Variants in HDAC4 observed in about 807,000 individuals in gnomAD.
HDAC4 encodes histone deacetylase A.
Under a neutral mutation model 135.1 loss-of-function variants are expected in HDAC4, and 16 were observed. That is an observed-to-expected ratio of 0.12 (90% confidence interval 0.08 to 0.18). HDAC4 has a LOEUF of 0.18. Among genes scored for constraint, HDAC4 ranks in the 10% least tolerant of loss-of-function variants. The pLI, the probability that HDAC4 is intolerant of heterozygous loss-of-function variation, is 1.00. For synonymous variants in HDAC4, 685 were observed against 653.4 expected, an observed-to-expected ratio of 1.05 and a Z score of -0.74; for missense variants, 1,143 against 1,511.8, an observed-to-expected ratio of 0.76 and a Z score of 4.05.
intron 1 of HDAC4, among the ~76,000 whole-genome samples, chr2:239,359,972 C>T (rs1275835553): frequency 6.6e-6 from 1 of 152,062 alleles, no homozygotes; most frequent in Admixed American, 6.5e-5. Flanking sequence ...CATGCTAGAC[C>T]CAAGGTACAC....
chr2:239,081,700 G>A (rs1198441695), intron 21 of HDAC4, among the ~76,000 whole-genome samples: 2 of 152,224 alleles, frequency 1.3e-5, no homozygotes, highest in Non-Finnish European at 2.9e-5. Context: ...AGGAGCCGCT[G>A]GGCCTGCCGT....
Position 239,048,568 on chromosome 2 carries a change from G to GATAGATAGA in HDAC4, c.*4520_*4528dup, listed in dbSNP as rs1553594338. 1 of 149,870 alleles carries GATAGATAGA rather than the reference G, an allele frequency of 6.7e-6. No homozygotes were observed. The highest frequency in any genetic ancestry group is 1.5e-5 in the Non-Finnish European group (1 of 67,932). The allele number at this position is 149,870 out of a possible 1,614,324, so 9.3% of individuals were successfully genotyped here. On this transcript the variant is annotated 3_prime_UTR_variant, in exon 27 of 27. Transcript: ENST00000543185. Reference sequence around the variant, plus strand: ...AAGGTTCAAGCCCCCTGTATAGATAGATAGATAGATAGATAGATAGATAGA... The same window carrying GATAGATAGA: ...AAGGTTCAAGCCCCCTGTATAGATAGATAGATAGAATAGATAGATAGATAGATAGATAGA...
chr2:239,190,181 G>T (rs113042372), intron 3 of HDAC4, 104 bp from the exon 4 acceptor site: 7 of 1,431,314 alleles, frequency 4.9e-6, no homozygotes, highest in South Asian at 1.4e-5. Context: ...GGGCGGGGGG[G>T]GGGTTGTGAC....
chr2:239,380,612 TG>T (rs1342634376), intron 1 of HDAC4, among the ~76,000 whole-genome samples: 3 of 152,186 alleles, frequency 2.0e-5, no homozygotes, highest in African/African-American at 7.2e-5. Flanking sequence ...TTCTAGAAAT[TG>T]GGTGCACAAC....
At position 239,309,032 on chromosome 2, in the gene HDAC4, A is replaced by C. The variant is rs953591615; in HGVS notation, c.22+43646T>G. 6.6e-6 allele frequency: 1 copy of C among 152,156 alleles called. No individual in the cohort carries two copies. Among genetic ancestry groups the C allele is most frequent in the East Asian group, 1.9e-4 (1 of 5,188 alleles). The allele number at this position is 152,156 out of a possible 1,614,324, so 9.4% of individuals were successfully genotyped here. A position where few individuals can be genotyped will look rare whatever the true frequency, so the allele number is the denominator to read the frequency against. Reference sequence around the variant, plus strand: ...CTGAGCAGTTACATAACAGCACAGAAAATCCCTTACAAGTTTCTTAAAAAA... The same window carrying C: ...CTGAGCAGTTACATAACAGCACAGACAATCCCTTACAAGTTTCTTAAAAAA... On this transcript the variant is annotated intron_variant, in intron 2 of 26. Transcript: ENST00000543185. The surrounding 1 kb of genome is among the most constrained non-coding windows in gnomAD (Gnocchi z 4.2).
chr2:239,150,784 C>T (rs1412764508), intron 7 of HDAC4, among the ~76,000 whole-genome samples: 11 of 151,174 alleles, frequency 7.3e-5, no homozygotes, highest in Admixed American at 7.3e-4. Context: ...AGTCTCACTA[C>T]GCTGCACCTC....
intron 3 of HDAC4, among the ~76,000 whole-genome samples, chr2:239,192,881 G>T (rs2045094863): frequency 6.6e-6 from 1 of 152,218 alleles, no homozygotes; most frequent in South Asian, 2.1e-4. Flanking sequence ...GAACAAAGTT[G>T]CATTTATCTC....
chr2:239,328,793 C>T (rs988517183), intron 2 of HDAC4, among the ~76,000 whole-genome samples: 6 of 152,178 alleles, frequency 3.9e-5, no homozygotes, highest in Admixed American at 1.3e-4. Context: ...CAGCCCAGCC[C>T]GGAGCTCAGA....
chr2:239,321,293 G>A (rs1422880575), intron 2 of HDAC4, among the ~76,000 whole-genome samples: 11 of 151,930 alleles, frequency 7.2e-5, no homozygotes, highest in African/African-American at 2.2e-4. Flanking sequence ...GTGAAACCCC[G>A]TCTCTACTAA....
intron 1 of HDAC4, among the ~76,000 whole-genome samples, chr2:239,380,181 G>A (rs541364753): frequency 6.0e-4 from 92 of 152,370 alleles, no homozygotes; most frequent in African/African-American, 2.2e-3. Flanking sequence ...TGGAGATCTG[G>A]ACCAGAGGAA....
intron 1 of HDAC4, among the ~76,000 whole-genome samples, chr2:239,361,348 G>A (rs774365517): frequency 2.0e-5 from 3 of 152,220 alleles, no homozygotes; most frequent in Non-Finnish European, 4.4e-5. Context: ...CTAGAGTTAA[G>A]TTTTAAGGAT....
chr2:239,372,059 C>T (rs1465297966), intron 1 of HDAC4, among the ~76,000 whole-genome samples: 1 of 152,156 alleles, frequency 6.6e-6, no homozygotes, highest in Non-Finnish European at 1.5e-5. Flanking sequence ...CCTCAAGGCC[C>T]CAGACTGCTG....
At chr2:239,218,855 A>G (rs1395574844) in intron 3 of HDAC4, among the ~76,000 whole-genome samples, 4 of 151,594 alleles carry the variant, frequency 2.6e-5, no homozygotes, top group African/African-American at 9.7e-5. Context: ...GCAGCCAAAA[A>G]ACACATGAAA....
chr2:239,200,528 T>C (rs1213394779), intron 3 of HDAC4, among the ~76,000 whole-genome samples: 3 of 152,218 alleles, frequency 2.0e-5, no homozygotes, highest in African/African-American at 7.2e-5. Context: ...CTTCTGTTTC[T>C]CTCATTTAGA....
intron 2 of HDAC4, among the ~76,000 whole-genome samples, chr2:239,271,951 C>T (rs1242691744): frequency 2.0e-5 from 3 of 152,150 alleles, no homozygotes; most frequent in Admixed American, 6.5e-5. Context: ...CACAACCTGG[C>T]GCCAGATTCC....
intron 9 of HDAC4, among the ~76,000 whole-genome samples, chr2:239,135,162 C>T (rs535554115): frequency 1.8e-4 from 28 of 152,334 alleles, no homozygotes; most frequent in African/African-American, 6.3e-4. Flanking sequence ...GGACATCCCA[C>T]ACTTCGCATG....
intron 5 of HDAC4, among the ~76,000 whole-genome samples, chr2:239,166,052 G>T (rs1184124130): frequency 1.3e-5 from 2 of 152,176 alleles, no homozygotes; most frequent in Admixed American, 6.5e-5. Context: ...TCATTAGAAA[G>T]ATGTCTTTTC....
chr2:239,291,819 G>A (rs1439074208), intron 2 of HDAC4, among the ~76,000 whole-genome samples: 3 of 152,158 alleles, frequency 2.0e-5, no homozygotes, highest in African/African-American at 7.2e-5. Flanking sequence ...TCTAGAAAAG[G>A]GGCCTAAGCT....
intron 1 of HDAC4, among the ~76,000 whole-genome samples, chr2:239,365,931 G>A (rs556654479): frequency 1.8e-3 from 275 of 151,344 alleles, no homozygotes; most frequent in Middle Eastern, 3.5e-3. Flanking sequence ...AGGGTCACGC[G>A]TGTGGCACTA....
Sources: gnomAD v4.1 joint callset for allele counts (sites outside exome capture counted in the v4.1 genomes callset) on GRCh38, gnomAD v4.1.1 for gene constraint, Gnocchi (gnomAD v3.1) non-coding constraint, MANE v1.5 for transcripts, NCBI Gene and HGNC (gene_info 2026-07-23, HGNC 2026-07-21) for gene names.